Variants in DYM observed in about 807,000 individuals in gnomAD.
The protein encoded by DYM is dyggve-Melchior-Clausen syndrome protein.
DYM carries 78 observed loss-of-function variants against 93.1 expected under a neutral mutation model. The observed-to-expected ratio is 0.84, with a 90% confidence interval of 0.70 to 1.01. The LOEUF (loss-of-function observed/expected upper bound fraction) is 1.01, where lower values mean the gene tolerates loss of function less well. Ranked by LOEUF, DYM falls within the 50% of genes least tolerant of loss-of-function variation. The pLI is 0.00. For missense variants in DYM, 789 were observed against 845.0 expected (o/e 0.93, Z 0.82); for synonymous variants, 321 against 319.7 (o/e 1.00, Z -0.04).
At position 49,197,363 on chromosome 18, in the gene DYM, G is replaced by C. The variant is rs139861109; in HGVS notation, c.1625+12188C>G. ...AAAAGCATAAAAAAAATGGCAAAAG[G>C]GGGGGAAGAAAGCCAGGAGTATGCT... On this transcript the variant is annotated intron_variant, in intron 14 of 17. Coordinates refer to ENST00000675505, the MANE Select transcript of DYM (RefSeq NM_001353214.3). Among the ~76,000 whole-genome samples, 800 of 152,114 alleles carry C rather than the reference G, an allele frequency of 5.3e-3. 26 individuals are homozygous for C. In the South Asian group the frequency reaches 0.077, roughly 15 times the overall value.
intron 17 of DYM, among the ~76,000 whole-genome samples, chr18:49,058,997 A>C (rs567194544): frequency 9.5e-4 from 144 of 152,372 alleles, no homozygotes; most frequent in Non-Finnish European, 1.5e-3. Flanking sequence ...AAGCAGATTT[A>C]AGGAAGACAG....
chr18:49,444,463 A>G (rs537288947), intron 1 of DYM, among the ~76,000 whole-genome samples: 16 of 152,320 alleles, frequency 1.1e-4, no homozygotes, highest in Admixed American at 5.9e-4. Context: ...TGCAAAACCT[A>G]TATTGAGACA....
At chr18:49,311,732 T>TG (rs1012782212) in intron 8 of DYM, among the ~76,000 whole-genome samples, 2 of 36,210 alleles carry the variant, frequency 5.5e-5, no homozygotes, top group African/African-American at 2.1e-4. Context: ...TGTTGTGGGG[T>TG]GGGGGGAGGG....
intron 5 of DYM, among the ~76,000 whole-genome samples, chr18:49,371,778 A>G (rs2067066979): frequency 6.6e-6 from 1 of 152,232 alleles, no homozygotes; most frequent in African/African-American, 2.4e-5. Flanking sequence ...GGACTAATGG[A>G]AGAGCTATCC....
chr18:49,144,673 A>G (rs929389441), intron 15 of DYM, among the ~76,000 whole-genome samples: 11 of 152,196 alleles, frequency 7.2e-5, no homozygotes, highest in African/African-American at 2.7e-4. Flanking sequence ...ATGACTAGAC[A>G]TAACTATAAA....
intron 15 of DYM, among the ~76,000 whole-genome samples, chr18:49,154,002 A>G (rs969928973): frequency 3.9e-5 from 6 of 152,196 alleles, no homozygotes; most frequent in Admixed American, 6.5e-5. Flanking sequence ...ATACATATCA[A>G]TATCATGTAT....
At chr18:49,351,958 A>G (rs2065151786) in intron 6 of DYM, among the ~76,000 whole-genome samples, 1 of 152,210 alleles carries the variant, frequency 6.6e-6, no homozygotes, top group African/African-American at 2.4e-5. Context: ...ACCAGTCTAG[A>G]TTGAAGCTAG....
chr18:49,125,999 G>A (rs147138553), intron 15 of DYM, among the ~76,000 whole-genome samples: 37 of 152,310 alleles, frequency 2.4e-4, no homozygotes, highest in African/African-American at 8.7e-4. Flanking sequence ...TTTGCTAGAT[G>A]TCTAGCATTT....
At chr18:49,289,404 T>A (rs1395530824) in intron 8 of DYM, among the ~76,000 whole-genome samples, 4 of 33,518 alleles carry the variant, frequency 1.2e-4, no homozygotes, top group South Asian at 1.0e-3. Context: ...TACAAATCAG[T>A]AAAAAAAAAA....
At chr18:49,080,474 C>T (rs1226643194) in intron 17 of DYM, among the ~76,000 whole-genome samples, 2 of 135,608 alleles carry the variant, frequency 1.5e-5, no homozygotes, top group Non-Finnish European at 1.6e-5. Context: ...GCAGAGGCGC[C>T]CCTCACCTCC....
chr18:49,129,119 T>C (rs2083128768), intron 15 of DYM, among the ~76,000 whole-genome samples: 1 of 132,994 alleles, frequency 7.5e-6, no homozygotes, highest in Non-Finnish European at 1.6e-5. Flanking sequence ...AAGCTCAAGT[T>C]AAAAAAAAAA....
intron 6 of DYM, among the ~76,000 whole-genome samples, chr18:49,358,676 G>A (rs1334059858): frequency 2.6e-5 from 4 of 152,056 alleles, no homozygotes; most frequent in African/African-American, 9.7e-5. Flanking sequence ...CACAGAAATG[G>A]ATCCCAGAGA....
chr18:49,115,366 C>T (rs1046001832), intron 16 of DYM, among the ~76,000 whole-genome samples: 1 of 152,178 alleles, frequency 6.6e-6, no homozygotes, highest in South Asian at 2.1e-4. Context: ...AAAATATTGC[C>T]TATCACAATG....
chr18:49,391,319 C>T (rs753043196), intron 3 of DYM: 1 of 386,684 alleles, frequency 2.6e-6, no homozygotes, highest in African/African-American at 2.0e-5. Flanking sequence ...ACATTATTTT[C>T]AGTATTTCAA....
chr18:49,128,473 T>A (rs934661106), intron 15 of DYM, among the ~76,000 whole-genome samples: 1 of 152,176 alleles, frequency 6.6e-6, no homozygotes, highest in Non-Finnish European at 1.5e-5. Flanking sequence ...GTGTCTTTTT[T>A]AAAAAAAGTC....
At chr18:49,107,779 A>T (rs1380860890) in intron 16 of DYM, among the ~76,000 whole-genome samples, 1 of 152,146 alleles carries the variant, frequency 6.6e-6, no homozygotes, top group Non-Finnish European at 1.5e-5. Context: ...TTTGTCTGAG[A>T]CGAGTACCCG....
intron 10 of DYM, among the ~76,000 whole-genome samples, chr18:49,281,219 C>T (rs1303530615): frequency 1.3e-5 from 2 of 152,168 alleles, no homozygotes; most frequent in African/African-American, 4.8e-5. Context: ...TCATCACTGG[C>T]CATCAGAGAA....
At position 49,292,612 on chromosome 18, in the gene DYM, A is replaced by C. The variant is rs56271231; in HGVS notation, c.764-5996T>G. ...TGTTGGAAAAAAAAAAAAAAAAAAAAAAAAAAAAAAAAACCCCCACAAAAA... is the reference window on the plus strand; with the variant it reads ...TGTTGGAAAAAAAAAAAAAAAAAAACAAAAAAAAAAAAACCCCCACAAAAA... On this transcript the variant is annotated intron_variant, in intron 8 of 17. Transcript: ENST00000675505. Among the ~76,000 whole-genome samples, 19 of 100,764 alleles carry C rather than the reference A, an allele frequency of 1.9e-4. 1 individual carries two copies. The highest frequency in any genetic ancestry group is 3.3e-4 in the South Asian group (1 of 3,038). The allele number at this position is 100,764 out of a possible 152,430, so 66.1% of individuals were successfully genotyped here.
At chr18:49,379,961 G>A (rs2067887060) in intron 3 of DYM, among the ~76,000 whole-genome samples, 2 of 152,042 alleles carry the variant, frequency 1.3e-5, no homozygotes, top group South Asian at 2.1e-4. Flanking sequence ...AAACTGATTT[G>A]CAAAATGAAA....
Sources: gnomAD v4.1 joint callset for allele counts (sites outside exome capture counted in the v4.1 genomes callset) on GRCh38, gnomAD v4.1.1 for gene constraint, MANE v1.5 for transcripts, NCBI Gene and HGNC (gene_info 2026-07-23, HGNC 2026-07-21) for gene names.